PTBP2: variants seen among roughly 807,000 people sequenced by gnomAD.
The protein encoded by PTBP2 is polypyrimidine tract-binding protein 2.
In PTBP2, 13 loss-of-function variants were observed where a neutral mutation model predicts 61.4. The ratio of observed to expected loss-of-function variants is 0.21; its 90% CI spans 0.14 to 0.34. PTBP2 has a LOEUF of 0.34. PTBP2 is among the 10% of genes least tolerant of loss of function. PTBP2 has a pLI of 1.00. For missense variants in PTBP2, 405 were observed against 642.6 expected, an observed-to-expected ratio of 0.63 and a Z score of 4.00; for synonymous variants, 215 against 218.5, an observed-to-expected ratio of 0.98 and a Z score of 0.14.
At chr1:96,762,771 C>G (rs963439487) in intron 3 of PTBP2, among the ~76,000 whole-genome samples, 1 of 151,934 alleles carries the variant, frequency 6.6e-6, no homozygotes, top group Admixed American at 6.5e-5. Flanking sequence ...AGACGCTCCT[C>G]ACTTCCCAGA....
intron 7 of PTBP2, among the ~76,000 whole-genome samples, chr1:96,782,589 T>G (rs1658801131): frequency 6.6e-6 from 1 of 152,028 alleles, no homozygotes; most frequent in Non-Finnish European, 1.5e-5. Flanking sequence ...TTGATATTGG[T>G]AAATAATTAG....
chr1:96,781,843 T>C lies in PTBP2; in HGVS notation c.709-3216T>C, dbSNP rs565500275. On this transcript the variant is annotated intron_variant, in intron 7 of 13. Coordinates refer to ENST00000674951, the MANE Select transcript of PTBP2 (RefSeq NM_021190.4). ...TCTTAATTATCAATAAAAAGTATTT[T>C]ATGCGATCCTCATATTTATTAAAGA... 7.2e-5 allele frequency among the ~76,000 whole-genome samples: 11 copies of C among 152,164 alleles called. No individual in the cohort carries two copies. The East Asian group carries it at 1.7e-3, about 24-fold the overall frequency.
intron 8 of PTBP2, among the ~76,000 whole-genome samples, chr1:96,797,482 T>C (rs1660511057): frequency 6.6e-6 from 1 of 152,068 alleles, no homozygotes; most frequent in South Asian, 2.1e-4. Context: ...AGAATAGCAG[T>C]TGTCATCCTT....
At chr1:96,778,459 T>A (rs1438266007) in intron 7 of PTBP2, among the ~76,000 whole-genome samples, 1 of 152,050 alleles carries the variant, frequency 6.6e-6, no homozygotes, top group Non-Finnish European at 1.5e-5. Flanking sequence ...TTGTCATTGT[T>A]ACATATGGAG....
intron 4 of PTBP2, among the ~76,000 whole-genome samples, chr1:96,770,141 ATTTC>A (rs905238005): frequency 1.3e-5 from 2 of 151,974 alleles, no homozygotes; most frequent in African/African-American, 4.8e-5. Flanking sequence ...CAAATGAAGT[ATTTC>A]TTTTACTGTG....
At chr1:96,769,946 G>A in intron 4 of PTBP2, 71 bp downstream of exon 4, 3 of 1,214,292 alleles carry the variant, frequency 2.5e-6, no homozygotes, top group Non-Finnish European at 3.3e-6. Flanking sequence ...AATTGTAAAA[G>A]GGAGAAAATA....
At chr1:96,807,139 ATCC>A (rs1310343773) in intron 11 of PTBP2, among the ~76,000 whole-genome samples, 181 bp downstream of exon 11, 4 of 152,188 alleles carry the variant, frequency 2.6e-5, no homozygotes, top group Admixed American at 6.5e-5. Flanking sequence ...TTTTTCTGCT[ATCC>A]TCCTACTGTT....
At chr1:96,773,121 C>CT (rs1443000925) in intron 5 of PTBP2, among the ~76,000 whole-genome samples, 13 of 72,380 alleles carry the variant, frequency 1.8e-4, no homozygotes, top group African/African-American at 6.0e-4. Context: ...GAGACTCTAT[C>CT]TCAAAAAAAA....
chr1:96,726,873 G>A (rs1297489013), intron 2 of PTBP2, among the ~76,000 whole-genome samples: 1 of 152,038 alleles, frequency 6.6e-6, no homozygotes, highest in Non-Finnish European at 1.5e-5. Context: ...TTGAGCCACC[G>A]CGTCCGGCCC....
chr1:96,786,718 T>C (rs936898411), intron 8 of PTBP2, among the ~76,000 whole-genome samples: 1 of 152,146 alleles, frequency 6.6e-6, no homozygotes, highest in African/African-American at 2.4e-5. Context: ...TTACATATAG[T>C]TTCTAAGAAG....
intron 3 of PTBP2, among the ~76,000 whole-genome samples, chr1:96,763,270 C>T (rs1656235378): frequency 1.3e-5 from 2 of 152,104 alleles, no homozygotes; most frequent in African/African-American, 4.8e-5. Context: ...CACGCCACTG[C>T]ACTCCAGCCT....
intron 2 of PTBP2, among the ~76,000 whole-genome samples, chr1:96,730,558 A>G (rs571870333): frequency 1.3e-5 from 2 of 152,240 alleles, no homozygotes; most frequent in Admixed American, 6.5e-5. Context: ...CAGAGAACAT[A>G]TTTTCTAAGA....
chr1:96,730,831 C>T (rs141092733), intron 2 of PTBP2, among the ~76,000 whole-genome samples: 9 of 152,324 alleles, frequency 5.9e-5, no homozygotes, highest in Non-Finnish European at 1.3e-4. Context: ...GGAGTATAAG[C>T]TGAGGCAAAC....
chr1:96,772,095 G>A (rs1019161913), intron 5 of PTBP2, among the ~76,000 whole-genome samples: 2 of 151,992 alleles, frequency 1.3e-5, no homozygotes, highest in Non-Finnish European at 2.9e-5. Context: ...CAGGTTGAGG[G>A]CTCAGTCCCA....
At chr1:96,810,603 T>C (rs934592579) in intron 11 of PTBP2, among the ~76,000 whole-genome samples, 7 of 152,140 alleles carry the variant, frequency 4.6e-5, no homozygotes, top group Admixed American at 2.0e-4. Flanking sequence ...CTGGGACTTA[T>C]TTTCTTATTC....
chr1:96,770,647 G>A lies in PTBP2; in HGVS notation c.289-61G>A, dbSNP rs116630180. On this transcript the variant is annotated intron_variant, in intron 4 of 13. Transcript: ENST00000674951. ...TTGATTAAAATCATCTGAATAGATT[G>A]CTTAGATATTAATTTTATTTGAATT... 1.1e-5 allele frequency: 14 copies of A among 1,323,902 alleles called. 1 individual carries two copies. Among genetic ancestry groups the A allele is most frequent in the Middle Eastern group, 2.1e-4 (1 of 4,748 alleles). 82.0% of individuals were successfully genotyped at this position (1,323,902 alleles called of 1,614,324 possible). A position where few individuals can be genotyped will look rare whatever the true frequency, so the allele number is the denominator to read the frequency against.
At chr1:96,809,320 C>T (rs1044019987) in intron 11 of PTBP2, among the ~76,000 whole-genome samples, 5 of 152,190 alleles carry the variant, frequency 3.3e-5, no homozygotes, top group Non-Finnish European at 5.9e-5. Flanking sequence ...AGTTTTTAAA[C>T]GCATATGGAA....
intron 3 of PTBP2, among the ~76,000 whole-genome samples, chr1:96,752,808 T>A (rs1394138998): frequency 6.6e-6 from 1 of 152,122 alleles, no homozygotes; most frequent in African/African-American, 2.4e-5. Context: ...AGTATGTAAC[T>A]GAATAAAATA....
chr1:96,778,220 A>C (rs1230270307), intron 7 of PTBP2, among the ~76,000 whole-genome samples: 1 of 150,456 alleles, frequency 6.6e-6, no homozygotes, highest in East Asian at 1.9e-4. Context: ...TTAAGAAAAA[A>C]GCAGGACTAT....
Sources: allele counts gnomAD v4.1 joint callset (sites outside exome capture counted in the v4.1 genomes callset), GRCh38; gene constraint gnomAD v4.1.1; transcripts MANE v1.5; gene names NCBI Gene and HGNC (gene_info 2026-07-23, HGNC 2026-07-21).